The following SGCZ variants were observed in gnomAD, a reference collection of about 807,000 sequenced individuals.
SGCZ encodes the protein sarcoglycan zeta, also known as zeta-sarcoglycan.
SGCZ carries 40 observed loss-of-function variants against 41.3 expected under a neutral mutation model. The observed-to-expected ratio is 0.97, with a 90% CI of 0.75 to 1.26. The LOEUF is 1.26. SGCZ is among the 50% of genes most tolerant of loss of function. The pLI is 0.00. For missense variants in SGCZ, 552 were observed against 369.8 expected (o/e 1.49, Z -4.04); for synonymous variants, 206 against 137.5 (o/e 1.50, Z -3.49).
chr8:14,103,314 G>C (rs1263010468), intron 6 of SGCZ, among the ~76,000 whole-genome samples: 2 of 152,016 alleles, frequency 1.3e-5, no homozygotes, highest in African/African-American at 4.8e-5. Context: ...AGAATACAGT[G>C]GTAAAAAGTG....
At chr8:15,158,918 T>C (rs557935708) in intron 1 of SGCZ, among the ~76,000 whole-genome samples, 2 of 152,320 alleles carry the variant, frequency 1.3e-5, no homozygotes, top group East Asian at 3.9e-4. Flanking sequence ...TTGTCAAATA[T>C]ATATTTGGTC....
intron 1 of SGCZ, among the ~76,000 whole-genome samples, chr8:14,586,705 G>C (rs747822148): frequency 6.6e-6 from 1 of 152,094 alleles, no homozygotes; most frequent in South Asian, 2.1e-4. Context: ...TGTTTAAGTG[G>C]ATGACAATAC....
intron 1 of SGCZ, among the ~76,000 whole-genome samples, chr8:15,171,580 A>G (rs987963851): frequency 2.6e-5 from 4 of 152,206 alleles, no homozygotes; most frequent in African/African-American, 9.7e-5. Flanking sequence ...GTAGAAATTC[A>G]ATTAAGTTCA....
intron 2 of SGCZ, among the ~76,000 whole-genome samples, chr8:14,493,417 A>T (rs1324771299): frequency 1.1e-5 from 1 of 94,564 alleles, no homozygotes; most frequent in African/African-American, 4.1e-5. Flanking sequence ...GCCAGGCTGG[A>T]GTACAGCGGC....
At chr8:14,603,923 T>C (rs1324929092) in intron 1 of SGCZ, among the ~76,000 whole-genome samples, 2 of 152,136 alleles carry the variant, frequency 1.3e-5, no homozygotes, top group Non-Finnish European at 2.9e-5. Context: ...GACCCGCTGA[T>C]CTTGTTTTCA....
intron 1 of SGCZ, among the ~76,000 whole-genome samples, chr8:14,667,252 G>A (rs1324680486): frequency 3.3e-5 from 5 of 152,170 alleles, no homozygotes; most frequent in Admixed American, 6.5e-5. Context: ...ATTCTGGCAT[G>A]TATAACTGAT....
At chr8:15,222,248 A>C (rs567821796) in intron 1 of SGCZ, among the ~76,000 whole-genome samples, 1 of 152,308 alleles carries the variant, frequency 6.6e-6, no homozygotes, top group African/African-American at 2.4e-5. Context: ...AAATTAGATT[A>C]TGTCATCCAT....
intron 2 of SGCZ, among the ~76,000 whole-genome samples, chr8:14,444,946 G>C (rs1041377677): frequency 4.6e-5 from 7 of 152,058 alleles, no homozygotes; most frequent in African/African-American, 1.7e-4. Context: ...ATTTCCTTCT[G>C]GCCTCTTTGT....
intron 1 of SGCZ, among the ~76,000 whole-genome samples, chr8:14,647,453 A>G (rs1807259251): frequency 2.0e-5 from 3 of 152,030 alleles, no homozygotes; most frequent in Admixed American, 2.0e-4. Context: ...AATTGCATTC[A>G]TATTTCTAGC....
chr8:15,062,777 A>G (rs1013602085), intron 1 of SGCZ, among the ~76,000 whole-genome samples: 3 of 152,160 alleles, frequency 2.0e-5, no homozygotes, highest in Non-Finnish European at 2.9e-5. Context: ...GATTTGTTAA[A>G]CCCTTTTTAC....
At chr8:14,092,955 T>C (rs980769420) in intron 7 of SGCZ, among the ~76,000 whole-genome samples, 2 of 152,070 alleles carry the variant, frequency 1.3e-5, no homozygotes, top group Non-Finnish European at 2.9e-5. Context: ...CTAAATCTTC[T>C]AACTTGGAAA....
intron 1 of SGCZ, among the ~76,000 whole-genome samples, chr8:15,227,490 T>A (rs1246886609): frequency 6.6e-6 from 1 of 152,210 alleles, no homozygotes; most frequent in Non-Finnish European, 1.5e-5. Context: ...GACATTAGAT[T>A]ACTTAAAGAG....
chr8:15,038,814 CAAAA>C (rs58922339), intron 1 of SGCZ, among the ~76,000 whole-genome samples: 1,016 of 92,974 alleles, frequency 0.011, 2 homozygotes, highest in African/African-American at 0.018. Context: ...TGACATTTCT[CAAAA>C]AAAAAAAAAA....
chr8:15,177,076 T>A (rs1800021903), intron 1 of SGCZ, among the ~76,000 whole-genome samples: 1 of 152,250 alleles, frequency 6.6e-6, no homozygotes, highest in South Asian at 2.1e-4. Flanking sequence ...TGTGTGAGCA[T>A]TATTCTAGGG....
At chr8:15,008,175 G>C (rs1563432045) in intron 1 of SGCZ, among the ~76,000 whole-genome samples, 1 of 151,964 alleles carries the variant, frequency 6.6e-6, no homozygotes, top group Non-Finnish European at 1.5e-5. Flanking sequence ...GCACCTACTT[G>C]AAGCACTCAT....
At chr8:14,517,020 G>T (rs982511110) in intron 2 of SGCZ, among the ~76,000 whole-genome samples, 7 of 152,016 alleles carry the variant, frequency 4.6e-5, no homozygotes, top group African/African-American at 1.7e-4. Flanking sequence ...TCAAGAGGTT[G>T]TAGTGCACAG....
chr8:14,930,605 G>A (rs1029023972), intron 1 of SGCZ, among the ~76,000 whole-genome samples: 2 of 151,950 alleles, frequency 1.3e-5, no homozygotes, highest in Non-Finnish European at 1.5e-5. Context: ...ACCAATGATA[G>A]ACCGGATAAA....
chr8:15,219,732 C>G lies in SGCZ; in HGVS notation c.39+17853G>C, dbSNP rs141009272. On this transcript the variant is annotated intron_variant, in intron 1 of 7. Coordinates refer to ENST00000382080, the MANE Select transcript of SGCZ (RefSeq NM_139167.4). Reference sequence around the variant, plus strand: ...AACTGAGGAGAGATTTTGTGCCAGGCATACAGATCATTCCCAATCACCTAC... The same window carrying G: ...AACTGAGGAGAGATTTTGTGCCAGGGATACAGATCATTCCCAATCACCTAC... Among the ~76,000 whole-genome samples, 350 of 152,208 alleles carry G rather than the reference C, an allele frequency of 2.3e-3. 2 individuals are homozygous for G. The highest frequency in any genetic ancestry group is 8.0e-3 in the African/African-American group (331 of 41,540).
At chr8:14,511,436 T>C (rs1802465965) in intron 2 of SGCZ, among the ~76,000 whole-genome samples, 1 of 151,910 alleles carries the variant, frequency 6.6e-6, no homozygotes, top group Admixed American at 6.6e-5. Flanking sequence ...AGAGAAAAAC[T>C]GAGAGTAATT....
Sources: allele counts gnomAD v4.1 joint callset (sites outside exome capture counted in the v4.1 genomes callset), GRCh38; gene constraint gnomAD v4.1.1; transcripts MANE v1.5; gene names NCBI Gene and HGNC (gene_info 2026-07-23, HGNC 2026-07-21).